ITGAX: variants seen among roughly 807,000 people sequenced by gnomAD.
The protein encoded by ITGAX is integrin alpha-X.
A neutral mutation model predicts 140.2 loss-of-function variants in ITGAX; 99 were observed. That is an observed-to-expected ratio of 0.71 (90% CI 0.60 to 0.83). The LOEUF (loss-of-function observed/expected upper bound fraction) is 0.83. ITGAX is among the 40% of genes least tolerant of loss of function. ITGAX has a pLI of 0.00. For synonymous variants in ITGAX, 631 were observed against 600.4 expected (o/e 1.05, Z -0.75); for missense variants, 1,444 against 1,482.0 (o/e 0.97, Z 0.42).
chr16:31,372,524 T>C lies in ITGAX; in HGVS notation c.2292+15T>C. ...TCACGGCCTCCGTGAGTCCTGGCACTGGGTCTCCCAGAGAGGGTGCACAGC... is the reference window on the plus strand; with the variant it reads ...TCACGGCCTCCGTGAGTCCTGGCACCGGGTCTCCCAGAGAGGGTGCACAGC... On this transcript the variant is annotated intron_variant, in intron 18 of 29. Transcript: ENST00000268296. 1.9e-6 allele frequency: 3 copies of C among 1,611,400 alleles called. No homozygotes were observed. Among genetic ancestry groups the C allele is most frequent in the Non-Finnish European group, 2.5e-6 (3 of 1,179,098 alleles).
In ITGAX at chr16:31,372,596, G is replaced by T. The variant is rs2080980271; in HGVS notation, c.2293-1G>T. The T allele has an allele frequency of 5.0e-6, 8 of 1,614,170 alleles. No individual in the cohort carries two copies. Among genetic ancestry groups the T allele is most frequent in the Non-Finnish European group, 6.8e-6 (8 of 1,180,000 alleles). Reference sequence around the variant, plus strand: ...AAACCCCCCGTTGCCTTCCCACGCAGCTACCCTTTGAGAAGAACTGTGGAG... The same window carrying T: ...AAACCCCCCGTTGCCTTCCCACGCATCTACCCTTTGAGAAGAACTGTGGAG... On this transcript the variant is annotated splice_acceptor_variant, in intron 18 of 29. Transcript: ENST00000268296. LOFTEE classifies it high-confidence loss of function.
At chr16:31,374,092 C>T (rs2080997888) in intron 20 of ITGAX, among the ~76,000 whole-genome samples, 1 of 152,074 alleles carries the variant, frequency 6.6e-6, no homozygotes, top group African/African-American at 2.4e-5. Flanking sequence ...AGTTTGAGAC[C>T]AGCCTGGCCA....
At position 31,372,435 on chromosome 16, in the gene ITGAX, G is replaced by A. The variant is rs2080977351; in HGVS notation, c.2218G>A (p.Gly740Ser). Reference sequence around the variant, plus strand: ...CTTGCGTCTGAACTTCACGCTGGTGGGCAAGCCCCTCCTTGCCTTCAGAAA... The same window carrying A: ...CTTGCGTCTGAACTTCACGCTGGTGAGCAAGCCCCTCCTTGCCTTCAGAAA... ...ITLRLNFTLVGKPLLAFRNLR... is the reference protein window; with the variant it reads ...ITLRLNFTLVSKPLLAFRNLR... The change falls in exon 18 of 30, where the codon GGC becomes AGC. Residue 740 changes from glycine (G) to serine (S), a missense_variant. Transcript: ENST00000268296. 4 of 1,609,818 alleles carry A rather than the reference G, an allele frequency of 2.5e-6. No individual in the cohort carries two copies. Among genetic ancestry groups the A allele is most frequent in the South Asian group, 2.2e-5 (2 of 90,732 alleles).
At chr16:31,363,680 G>A (rs1378155719) in intron 14 of ITGAX, among the ~76,000 whole-genome samples, 2 of 152,228 alleles carry the variant, frequency 1.3e-5, no homozygotes, top group Admixed American at 6.5e-5. Context: ...CCTGACCTCA[G>A]GTGATCTGCC....
At chr16:31,355,855 G>A in intron 1 of ITGAX, 38 bp from the exon 2 acceptor site, 2 of 1,489,618 alleles carry the variant, frequency 1.3e-6, no homozygotes, top group Non-Finnish European at 1.9e-6. Flanking sequence ...GCAGAAGGAA[G>A]ACCCTTCTCC....
At chr16:31,356,052 G>C in intron 2 of ITGAX, 54 bp downstream of exon 2, 2 of 1,320,246 alleles carry the variant, frequency 1.5e-6, no homozygotes. Flanking sequence ...CCCTGCTCAG[G>C]GCCCCATGCC....
rs2230428 is a variant in ITGAX at position 31,360,353 on chromosome 16, G to A, written c.751G>A (p.Ala251Thr). Residue 251 changes from alanine to threonine, a missense_variant, in exon 8 of 30, where the codon GCC becomes ACC. Ala to Thr is a moderately conservative substitution (Grantham distance 58). Coordinates refer to ENST00000268296, the MANE Select transcript of ITGAX (RefSeq NM_000887.5). ...CTCATATGGGGCCCGTAGGGATGCCGCCAAAATTCTCATTGTCATCACTGA... is the reference window on the plus strand; with the variant it reads ...CTCATATGGGGCCCGTAGGGATGCCACCAAAATTCTCATTGTCATCACTGA... ...HASYGARRDAAKILIVITDGK... is the reference protein window; with the variant it reads ...HASYGARRDATKILIVITDGK... 0.17 allele frequency: 273,555 copies of A among 1,613,432 alleles called. 25,649 individuals carry two copies. Among genetic ancestry groups the A allele is most frequent in the Non-Finnish European group, 0.2 (230,132 of 1,179,578 alleles).
At chr16:31,373,218 C>T in intron 19 of ITGAX, 31 bp from the exon 20 acceptor site, 1 of 1,471,884 alleles carries the variant, frequency 6.8e-7, no homozygotes, top group Non-Finnish European at 9.2e-7. Context: ...GTCACAGAAT[C>T]ATCTTCTCCT....
chr16:31,358,976 C>T (rs1032561311), intron 5 of ITGAX, among the ~76,000 whole-genome samples: 21 of 151,798 alleles, frequency 1.4e-4, no homozygotes, highest in Admixed American at 1.3e-3. Flanking sequence ...AGCTACCATG[C>T]CCAGCTGATT....
chr16:31,363,522 C>T, intron 14 of ITGAX, 148 bp downstream of exon 14: 1 of 872,990 alleles, frequency 1.1e-6, no homozygotes, highest in African/African-American at 1.7e-5. Context: ...TCTCAGCTCA[C>T]TGCAACCTCC....
At chr16:31,356,755 AG>A (rs756979759) in intron 3 of ITGAX, 27 bp downstream of exon 3, 1 of 1,495,332 alleles carries the variant, frequency 6.7e-7, no homozygotes, top group Non-Finnish European at 9.1e-7. Flanking sequence ...CCCGGGACCC[AG>A]GGCCGGGCTC....
Position 31,363,280 on chromosome 16 carries a change from T to A in ITGAX, c.1616T>A (p.Val539Glu). ...GTGAATGGGGACAAGCTGACAGACG[T>A]GGTCATCGGGGCCCCAGGAGAGGAG... Reference protein sequence around the residue: ...GDVNGDKLTDVVIGAPGEEEN... With the variant: ...GDVNGDKLTDEVIGAPGEEEN... The change falls in exon 14 of 30, where the codon GTG becomes GAG. Residue 539 changes from valine (V) to glutamate (E), a missense_variant. Coordinates refer to ENST00000268296, the MANE Select transcript of ITGAX (RefSeq NM_000887.5). 1 of 1,613,884 alleles carries A rather than the reference T, an allele frequency of 6.2e-7. No individual in the cohort carries two copies. The highest frequency in any genetic ancestry group is 2.2e-5 in the East Asian group (1 of 44,872).
chr16:31,379,845 T>A lies in ITGAX; in HGVS notation c.2957T>A (p.Val986Glu). The A allele has an allele frequency of 6.2e-7, 1 of 1,614,150 alleles. No individual in the cohort carries two copies. The highest frequency in any genetic ancestry group is 8.5e-7 in the Non-Finnish European group (1 of 1,180,008). ...AACCAGGAGGCTGTGTGGATGGATGTGGAGGTCTCCCACCCCCAGGTACCC... is the reference window on the plus strand; with the variant it reads ...AACCAGGAGGCTGTGTGGATGGATGAGGAGGTCTCCCACCCCCAGGTACCC... ...ELNQEAVWMDVEVSHPQNPSL... is the reference protein window; with the variant it reads ...ELNQEAVWMDEEVSHPQNPSL... The change falls in exon 25 of 30, where the codon GTG becomes GAG. Residue 986 changes from valine to glutamate, a missense_variant. Transcript: ENST00000268296.
chr16:31,362,297 C>A, intron 11 of ITGAX, 93 bp downstream of exon 11: 1 of 1,555,502 alleles, frequency 6.4e-7, no homozygotes, highest in Non-Finnish European at 8.7e-7. Flanking sequence ...GGCTGTGCTG[C>A]CCAGGGTGGG....
chr16:31,381,852 G>A lies in ITGAX; in HGVS notation c.3437G>A (p.Gly1146Glu). 1.1e-6 allele frequency: 1 copy of A among 876,076 alleles called. No individual in the cohort carries two copies. The highest frequency in any genetic ancestry group is 2.0e-6 in the Non-Finnish European group (1 of 504,708). 54.3% of individuals were successfully genotyped at this position (876,076 alleles called of 1,614,324 possible). ...QYKEMMEEAN[G>E]QIAPENGTQT... ...AAGGAAATGATGGAGGAGGCAAATG[G>A]ACAAATTGCCCCAGAAAACGGGACA... is the stretch of plus-strand genomic sequence containing the variant. Residue 1146 changes from glycine (G) to glutamate (E), a missense_variant, in exon 30 of 30, where the codon GGA becomes GAA. Gly to Glu is a moderately conservative substitution (Grantham distance 98, BLOSUM62 -2). Transcript: ENST00000268296.
intron 14 of ITGAX, among the ~76,000 whole-genome samples, chr16:31,364,524 A>C (rs2080872171): frequency 6.6e-6 from 1 of 151,508 alleles, no homozygotes; most frequent in Non-Finnish European, 1.5e-5. Flanking sequence ...GCATAAAATG[A>C]TTCTCAATGT....
intron 11 of ITGAX, 108 bp downstream of exon 11, chr16:31,362,312 A>T: frequency 3.3e-6 from 3 of 916,074 alleles, no homozygotes; most frequent in Non-Finnish European, 4.2e-6. Context: ...GGTGGGGTCC[A>T]GGCTTCTGGG....
chr16:31,368,298 A>T (rs8063024), intron 14 of ITGAX, among the ~76,000 whole-genome samples: 4,701 of 152,042 alleles, frequency 0.031, 259 homozygotes, highest in African/African-American at 0.11. Flanking sequence ...GTTCAAGACC[A>T]GCCTGGCCTA....
In ITGAX at chr16:31,381,036, A is replaced by G. The variant is rs368676372; in HGVS notation, c.3387+29A>G. 297 of 1,547,632 alleles carry G rather than the reference A, an allele frequency of 1.9e-4. 1 individual carries two copies. Among genetic ancestry groups the G allele is most frequent in the Non-Finnish European group, 2.4e-4 (268 of 1,120,030 alleles). On this transcript the variant is annotated intron_variant, in intron 29 of 29. Coordinates refer to ENST00000268296, the MANE Select transcript of ITGAX (RefSeq NM_000887.5). ...AGTGTTTTATGCCACTCTTGACACC[A>G]CCAGCATCTGGTCCCGCTCTTTTTG...
Sources: allele counts gnomAD v4.1 joint callset (sites outside exome capture counted in the v4.1 genomes callset), GRCh38; gene constraint gnomAD v4.1.1; transcripts MANE v1.5; gene names NCBI Gene and HGNC (gene_info 2026-07-23, HGNC 2026-07-21).